The following NOL6 variants were observed in gnomAD, a reference collection of about 807,000 sequenced individuals.
The protein encoded by NOL6 is nucleolar RNA-associated protein.
In NOL6, 33 loss-of-function variants were observed where a neutral mutation model predicts 131.7. That is an observed-to-expected ratio of 0.25 (90% CI 0.19 to 0.33). The LOEUF (loss-of-function observed/expected upper bound fraction) is 0.33. NOL6 is among the 10% of genes least tolerant of loss of function. The pLI is 1.00. For missense variants in NOL6, 1,297 were observed against 1,494.5 expected (o/e 0.87, Z 2.18); for synonymous variants, 580 against 605.7 (o/e 0.96, Z 0.62).
At position 33,473,827 on chromosome 9, in the gene NOL6, C is replaced by T; in HGVS notation, c.16G>A (p.Ala6Thr). 3 of 1,611,418 alleles carry T rather than the reference C, an allele frequency of 1.9e-6. No homozygotes were observed. Among genetic ancestry groups the T allele is most frequent in the Non-Finnish European group, 2.5e-6 (3 of 1,180,026 alleles). MGPAP[A>T]GEQLRGATGE... ...GTCGCTCCGCGAAGCTGCTCTCCAG[C>T]TGGCGCCGGCCCCATCACTCAGGGT... The change falls in exon 1 of 26, where the codon GCT (alanine) becomes ACT (threonine). Residue 6 changes from alanine (A) to threonine (T), a missense_variant. Coordinates refer to ENST00000297990, the MANE Select transcript of NOL6 (RefSeq NM_022917.5).
chr9:33,468,108 T>C lies in NOL6; in HGVS notation c.1346A>G (p.Asp449Gly), dbSNP rs768857719. 6.2e-7 allele frequency: 1 copy of C among 1,614,140 alleles called. No homozygotes were observed. Among genetic ancestry groups the C allele is most frequent in the South Asian group, 1.1e-5 (1 of 91,088 alleles). The change falls in exon 11 of 26, where the codon GAC becomes GGC. Residue 449 changes from aspartate (D) to glycine (G), a missense_variant. Asp to Gly is a moderately conservative substitution (Grantham distance 94, BLOSUM62 -1). Coordinates refer to ENST00000297990, the MANE Select transcript of NOL6 (RefSeq NM_022917.5). ...GTGGAACCCGTCGTCAGCTCTGCTG[T>C]CCAGCAACATCATAGACAGCCGTGC... Reference protein sequence around the residue: ...HEARLSMMLLDSRADDGFHLL... With the variant: ...HEARLSMMLLGSRADDGFHLL...
chr9:33,466,938 C>A lies in NOL6; in HGVS notation c.1924G>T (p.Asp642Tyr). ...TCVHYVGGPL[D>Y]ALIQGLKETS... ...TCTTTCAGGCCTTGGATAAGTGCAT[C>A]CAGGGGGCCCCCCACATAGTGGACA... Residue 642 changes from aspartate (D) to tyrosine (Y), a missense_variant, in exon 15 of 26, where the codon GAT becomes TAT. Coordinates refer to ENST00000297990, the MANE Select transcript of NOL6 (RefSeq NM_022917.5). 6.2e-7 allele frequency: 1 copy of A among 1,614,156 alleles called. No homozygotes were observed. The highest frequency in any genetic ancestry group is 1.1e-5 in the South Asian group (1 of 91,056).
At chr9:33,473,691 T>C in intron 1 of NOL6, 98 bp downstream of exon 1, 1 of 1,424,254 alleles carries the variant, frequency 7.0e-7, no homozygotes, top group Non-Finnish European at 9.7e-7. Context: ...GCCGCCGGCA[T>C]GGCTTTCACC....
intron 3 of NOL6, among the ~76,000 whole-genome samples, chr9:33,471,710 C>T (rs542767838): frequency 1.3e-5 from 2 of 152,236 alleles, no homozygotes; most frequent in Non-Finnish European, 2.9e-5. Context: ...GTGTTTACCA[C>T]ATTCTAACAT....
chr9:33,467,911 G>C lies in NOL6; in HGVS notation c.1425-43C>G. 6.3e-7 allele frequency: 1 copy of C among 1,583,602 alleles called. No individual in the cohort carries two copies. Among genetic ancestry groups the C allele is most frequent in the South Asian group, 1.2e-5 (1 of 86,954 alleles). On this transcript the variant is annotated intron_variant, in intron 11 of 25. Transcript: ENST00000297990. The surrounding 1 kb of genome is among the most constrained non-coding windows in gnomAD (Gnocchi z 4.4). ...GCCAAAGAGGGGTAATCAGGTTGCT[G>C]GCCCCTAGTACCACCTCCTCCCTGA...
intron 3 of NOL6, 153 bp from the exon 4 acceptor site, chr9:33,470,344 T>G (rs1250577459): frequency 7.8e-6 from 5 of 640,048 alleles, no homozygotes; most frequent in Non-Finnish European, 2.4e-6. Context: ...CAACTCCATA[T>G]GAGTTGCTCA....
intron 1 of NOL6, among the ~76,000 whole-genome samples, chr9:33,473,186 T>C (rs953304999): frequency 2.6e-5 from 4 of 152,234 alleles, no homozygotes; most frequent in Non-Finnish European, 5.9e-5. Context: ...TGGAAGGAGC[T>C]AGAACCGACT....
At position 33,468,308 on chromosome 9, in the gene NOL6, G is replaced by T. The variant is rs769642197; in HGVS notation, c.1308+13C>A. The T allele has an allele frequency of 6.2e-7, 1 of 1,612,792 alleles. No individual in the cohort carries two copies. Among genetic ancestry groups the T allele is most frequent in the Admixed American group, 1.7e-5 (1 of 59,974 alleles). ...AGACATCAGGGGAACACAGATTGGG[G>T]GCCCATTGGTACCTGGTGGTAAGTA... On this transcript the variant is annotated intron_variant, in intron 10 of 25. Coordinates refer to ENST00000297990, the MANE Select transcript of NOL6 (RefSeq NM_022917.5).
intron 21 of NOL6, 145 bp downstream of exon 21, chr9:33,464,734 T>C (rs1324407273): frequency 1.6e-6 from 1 of 628,760 alleles, no homozygotes; most frequent in South Asian, 2.1e-5. Context: ...GGTCAGGCTG[T>C]TCACCTGGAC....
intron 1 of NOL6, 150 bp from the exon 2 acceptor site, chr9:33,472,562 C>T (rs763696504): frequency 1.7e-5 from 11 of 664,296 alleles, no homozygotes; most frequent in Non-Finnish European, 2.9e-5. Context: ...TCAGGAGAAT[C>T]GTTACTTGGA....
At chr9:33,471,557 G>T (rs1188068260) in intron 3 of NOL6, among the ~76,000 whole-genome samples, 3 of 152,104 alleles carry the variant, frequency 2.0e-5, no homozygotes, top group African/African-American at 4.8e-5. Flanking sequence ...CTATATAGCT[G>T]ACTCACCTAC....
chr9:33,470,915 T>G (rs1000719499), intron 3 of NOL6, among the ~76,000 whole-genome samples: 1 of 152,066 alleles, frequency 6.6e-6, no homozygotes, highest in African/African-American at 2.4e-5. Flanking sequence ...TCCCTCTCGA[T>G]TCTACTTTTG....
rs775552184 is a variant in NOL6 at position 33,469,111 on chromosome 9, C to T, written c.873G>A (p.Glu291=). The T allele has an allele frequency of 1.9e-6, 3 of 1,614,148 alleles. No individual in the cohort carries two copies. Among genetic ancestry groups the T allele is most frequent in the South Asian group, 2.2e-5 (2 of 91,078 alleles). ...ATGTGTTATAGCGGGGGGTAGGAGG[C>T]TCTGGGCTACCTGTGGGATGAAAAG... ...GQSPAGDGSP[E]PPTPRYNTWV... The change falls in exon 7 of 26, where the codon GAG becomes GAA. Residue 291 remains glutamate, a synonymous_variant. Transcript: ENST00000297990.
In NOL6 at chr9:33,466,946, C is replaced by T. The variant is rs779285056; in HGVS notation, c.1916G>A (p.Gly639Asp). 2.7e-5 allele frequency: 43 copies of T among 1,613,922 alleles called. No individual in the cohort carries two copies. The Admixed American group carries it at 7.0e-4, about 26-fold the overall frequency. The change falls in exon 15 of 26, where the codon GGC becomes GAC. Residue 639 changes from glycine to aspartate, a missense_variant. Transcript: ENST00000297990. ...IPETCVHYVG[G>D]PLDALIQGLK... is the part of the protein sequence containing the mutation. ...GCCTTGGATAAGTGCATCCAGGGGGCCCCCCACATAGTGGACACAGGTTTC... is the reference window on the plus strand; with the variant it reads ...GCCTTGGATAAGTGCATCCAGGGGGTCCCCCACATAGTGGACACAGGTTTC...
In NOL6 at chr9:33,467,732, G is replaced by A. The variant is rs1377845564; in HGVS notation, c.1561C>T (p.Arg521Trp). 5 of 1,590,216 alleles carry A rather than the reference G, an allele frequency of 3.1e-6. No homozygotes were observed. Among genetic ancestry groups the A allele is most frequent in the Non-Finnish European group, 3.4e-6 (4 of 1,170,040 alleles). ...CGAGAGTGAGCCAGCAGGTTCAGCC[G>A]AGCCCCCAGGCCCTGCTCCAGGAGG... ...TTLLEQGLGA[R>W]LNLLAHSRPP... Residue 521 changes from arginine (R) to tryptophan (W), a missense_variant, in exon 12 of 26, where the codon CGG becomes TGG. By Grantham distance (101) the Arg-to-Trp change is moderately radical. Transcript: ENST00000297990. The surrounding 1 kb of genome is among the most constrained non-coding windows in gnomAD (Gnocchi z 4.4).
Position 33,462,339 on chromosome 9 carries a change from A to T in NOL6, c.*325T>A, listed in dbSNP as rs1050485445. The T allele has an allele frequency of 3.0e-6, 2 of 674,054 alleles. No individual in the cohort carries two copies. Among genetic ancestry groups the T allele is most frequent in the African/African-American group, 3.5e-5 (2 of 56,414 alleles). 41.8% of individuals were successfully genotyped at this position (674,054 alleles called of 1,614,324 possible). A position where few individuals can be genotyped will look rare whatever the true frequency, so the allele number is the denominator to read the frequency against. On this transcript the variant is annotated 3_prime_UTR_variant, in exon 26 of 26. Coordinates refer to ENST00000297990, the MANE Select transcript of NOL6 (RefSeq NM_022917.5). ...GTTTCTGGAAGAAGACTAAGAAAGG[A>T]GTGGGAAATCGCAGGGAGGTCCAGG... is the stretch of plus-strand genomic sequence containing the variant.
At position 33,468,798 on chromosome 9, in the gene NOL6, G is replaced by T. The variant is rs1454130168; in HGVS notation, c.1101C>A (p.Thr367=). The T allele has an allele frequency of 6.2e-7, 1 of 1,614,192 alleles. No homozygotes were observed. The highest frequency in any genetic ancestry group is 2.2e-5 in the East Asian group (1 of 44,886). The stretch of plus-strand genomic sequence containing the variant: ...TCAGGACCTGGTAGCCACTCATGGT[G>T]GTATGGATCTTGCGTGTAGACACAA... ...VFLVSTRKIH[T]TMSGYQVLRS... The change falls in exon 8 of 26, where the codon ACC becomes ACA. Residue 367 remains threonine (T), a synonymous_variant. Coordinates refer to ENST00000297990, the MANE Select transcript of NOL6 (RefSeq NM_022917.5).
In NOL6 at chr9:33,472,091, C is replaced by T; in HGVS notation, c.291G>A (p.Leu97=). 1.4e-5 allele frequency: 23 copies of T among 1,614,182 alleles called. No homozygotes were observed. The highest frequency in any genetic ancestry group is 1.9e-5 in the Non-Finnish European group (23 of 1,180,032). The change falls in exon 3 of 26, where the codon CTG becomes CTA. Residue 97 remains leucine, a synonymous_variant. Transcript: ENST00000297990. ...CAATCCGATCCTTCTTCTTCTCTGACAGCCTTACTTCCTTTAGTAGCTCCT... is the reference window on the plus strand; with the variant it reads ...CAATCCGATCCTTCTTCTTCTCTGATAGCCTTACTTCCTTTAGTAGCTCCT... ...QVEELLKEVR[L]SEKKKDRIDA... is the part of the protein sequence containing the mutation.
intron 23 of NOL6, 111 bp downstream of exon 23, chr9:33,463,720 G>A (rs758108984): frequency 9.2e-6 from 11 of 1,190,036 alleles, no homozygotes; most frequent in African/African-American, 1.5e-5. Flanking sequence ...CACCTCCTCT[G>A]TTCAGTCTCA....
Sources: gnomAD v4.1 joint callset for allele counts (sites outside exome capture counted in the v4.1 genomes callset) on GRCh38, gnomAD v4.1.1 for gene constraint, Gnocchi (gnomAD v3.1) non-coding constraint, MANE v1.5 for transcripts, NCBI Gene and HGNC (gene_info 2026-07-23, HGNC 2026-07-21) for gene names.